Variants in SCPEP1 observed in about 807,000 individuals in gnomAD.
SCPEP1 encodes the protein serine carboxypeptidase 1, also known as retinoid-inducible serine carboxypeptidase.
SCPEP1 carries 51 observed loss-of-function variants against 63.8 expected under a neutral mutation model. The observed-to-expected ratio is 0.80, with a 90% CI of 0.64 to 1.01. SCPEP1 has a LOEUF of 1.01. SCPEP1 is among the 50% of genes least tolerant of loss of function. The probability of loss-of-function intolerance (pLI) is 0.00; values close to 1 mark genes in which losing one functional copy is unlikely to be tolerated. For missense variants in SCPEP1, 499 were observed against 554.9 expected (o/e 0.90, Z 1.01); for synonymous variants, 204 against 207.8 (o/e 0.98, Z 0.16).
chr17:56,988,375 C>G, intron 5 of SCPEP1, 85 bp downstream of exon 5: 1 of 1,009,942 alleles, frequency 9.9e-7, no homozygotes. Context: ...ATTAAATATA[C>G]TTTGAATAGG....
At position 56,988,264 on chromosome 17, in the gene SCPEP1, G is replaced by A. The variant is rs1159565803; in HGVS notation, c.520G>A (p.Ala174Thr). The change falls in exon 5 of 13, where the codon GCT (alanine) becomes ACT (threonine). Residue 174 changes from alanine (A) to threonine (T), a missense_variant. By Grantham distance (58) the Ala-to-Thr change is moderately conservative. Coordinates refer to ENST00000262288, the MANE Select transcript of SCPEP1 (RefSeq NM_021626.3). ...AGAGTCCTATGGAGGAAAAATGGCA[G>A]CTGGCATTGGTCTAGAGCTTTATAA... ...FSESYGGKMA[A>T]GIGLELYKAI... 1 of 1,612,972 alleles carries A rather than the reference G, an allele frequency of 6.2e-7. No individual in the cohort carries two copies. The highest frequency in any genetic ancestry group is 1.7e-5 in the Admixed American group (1 of 59,958).
At chr17:56,995,242 C>G in intron 7 of SCPEP1, 1 of 567,060 alleles carries the variant, frequency 1.8e-6, no homozygotes, top group South Asian at 2.6e-5. Flanking sequence ...ATAAGAAACA[C>G]ATTTTTCCAA....
chr17:57,002,250 C>T, intron 12 of SCPEP1, 69 bp downstream of exon 12: 1 of 1,491,438 alleles, frequency 6.7e-7, no homozygotes, highest in Non-Finnish European at 9.2e-7. Context: ...GTTATTATGC[C>T]TCTGTCCACT....
chr17:56,978,505 G>C (rs1190010910), intron 1 of SCPEP1, among the ~76,000 whole-genome samples: 2 of 151,232 alleles, frequency 1.3e-5, no homozygotes, highest in African/African-American at 2.4e-5. Flanking sequence ...TGTATGATTT[G>C]GGGAAACTGC....
chr17:56,994,154 T>C (rs774947881), intron 6 of SCPEP1, among the ~76,000 whole-genome samples: 24 of 152,324 alleles, frequency 1.6e-4, no homozygotes, highest in Non-Finnish European at 3.1e-4. Context: ...CTGGGCAACA[T>C]GGACTTAGTT....
At chr17:57,000,717 C>G (rs376156427) in intron 10 of SCPEP1, 138 bp from the exon 11 acceptor site, 1 of 958,772 alleles carries the variant, frequency 1.0e-6, no homozygotes, top group East Asian at 2.5e-5. Context: ...AATTTCTGGG[C>G]TGGTTCATCC....
At chr17:56,986,129 T>A (rs1428316569) in intron 3 of SCPEP1, among the ~76,000 whole-genome samples, 1 of 151,940 alleles carries the variant, frequency 6.6e-6, no homozygotes, top group African/African-American at 2.4e-5. Flanking sequence ...GCTCCCACTC[T>A]CCCGGCTGCA....
rs1454468634 is a variant in SCPEP1, at chr17:56,981,143, C to T, written c.138C>T (p.Arg46=). ...AAGTATGGGATTATGTGACGGTCCG[C>T]AAGGATGCCTACATGTTCTGGTGGC... ...GKEVWDYVTV[R]KDAYMFWWLY... Residue 46 remains arginine, a synonymous_variant, in exon 2 of 13, where the codon CGC becomes CGT. Transcript: ENST00000262288. 11 of 1,614,040 alleles carry T rather than the reference C, an allele frequency of 6.8e-6. No individual in the cohort carries two copies. The highest frequency in any genetic ancestry group is 8.5e-6 in the Non-Finnish European group (10 of 1,180,020).
In SCPEP1 at chr17:56,987,865, AG is replaced by A; in HGVS notation, c.471+17del. On this transcript the variant is annotated intron_variant, in intron 4 of 12. Transcript: ENST00000262288. ...AAGAATTCCAGGTAAGCAAAGACTC[AG>A]GAACAGCTAAGTAAAGGGCTGGCAA... 6.2e-7 allele frequency: 1 copy of A among 1,613,596 alleles called. No homozygotes were observed. The highest frequency in any genetic ancestry group is 1.3e-5 in the African/African-American group (1 of 75,042).
At chr17:56,989,874 G>A (rs897325697) in intron 5 of SCPEP1, among the ~76,000 whole-genome samples, 4 of 152,060 alleles carry the variant, frequency 2.6e-5, no homozygotes, top group African/African-American at 4.8e-5. Flanking sequence ...TTGAACCCAG[G>A]GAGCAGAGGT....
chr17:56,987,303 C>A (rs1332492198), intron 3 of SCPEP1: 1 of 158,706 alleles, frequency 6.3e-6, no homozygotes, highest in South Asian at 1.9e-4. Flanking sequence ...GATGTGTGTC[C>A]AGACTTTGAG....
At chr17:56,992,721 A>G (rs1186390033) in intron 6 of SCPEP1, among the ~76,000 whole-genome samples, 14 of 152,186 alleles carry the variant, frequency 9.2e-5, no homozygotes, top group Non-Finnish European at 1.9e-4. Context: ...ACTGAGACTT[A>G]GAGAGGTTAA....
chr17:56,987,479 T>C, intron 3 of SCPEP1: 2 of 399,590 alleles, frequency 5.0e-6, no homozygotes, highest in South Asian at 4.7e-5. Flanking sequence ...TTTTTTTTTT[T>C]TGCGGCGGCG....
intron 12 of SCPEP1, among the ~76,000 whole-genome samples, chr17:57,004,578 T>C (rs1911831102): frequency 1.3e-5 from 2 of 152,244 alleles, no homozygotes; most frequent in Admixed American, 1.3e-4. Context: ...TTTTAATTTT[T>C]TTTTTATTTT....
rs1911903193 is a variant in SCPEP1 at position 57,006,543 on chromosome 17, A to G, written c.*308A>G. On this transcript the variant is annotated 3_prime_UTR_variant, in exon 13 of 13. Coordinates refer to ENST00000262288, the MANE Select transcript of SCPEP1 (RefSeq NM_021626.3). ...ATGTGATTTATAGAAAAACTGGGAAATACAGGTACCCAAAGAGTAAATCAA... is the reference window on the plus strand; with the variant it reads ...ATGTGATTTATAGAAAAACTGGGAAGTACAGGTACCCAAAGAGTAAATCAA... The G allele has an allele frequency of 5.1e-6, 1 of 197,044 alleles. No homozygotes were observed. Among genetic ancestry groups the G allele is most frequent in the Non-Finnish European group, 1.0e-5 (1 of 98,208 alleles). 12.2% of individuals were successfully genotyped at this position (197,044 alleles called of 1,614,324 possible).
Position 56,987,798 on chromosome 17 carries a change from C to T in SCPEP1, c.419C>T (p.Ser140Leu). 1.2e-6 allele frequency: 2 copies of T among 1,614,146 alleles called. No individual in the cohort carries two copies. The highest frequency in any genetic ancestry group is 1.7e-6 in the Non-Finnish European group (2 of 1,180,028). The part of the protein sequence containing the change: ...AYAKDLAMVA[S>L]DMMVLLKTFF... ...GCCAAGGACCTGGCTATGGTGGCTT[C>T]AGACATGATGGTTCTCCTGAAGACC... The change falls in exon 4 of 13, where the codon TCA becomes TTA. Residue 140 changes from serine (S) to leucine (L), a missense_variant. Coordinates refer to ENST00000262288, the MANE Select transcript of SCPEP1 (RefSeq NM_021626.3).
chr17:56,999,539 G>A (rs1478703404), intron 10 of SCPEP1, among the ~76,000 whole-genome samples: 1 of 152,134 alleles, frequency 6.6e-6, no homozygotes, highest in African/African-American at 2.4e-5. Flanking sequence ...GGGAGCCTAC[G>A]ATTTGCTGCT....
At position 56,986,079 on chromosome 17, in the gene SCPEP1, G is replaced by A. The variant is rs575329647; in HGVS notation, c.315+612G>A. ...ACCCACCCTGGGGCTGCTGCACAGC[G>A]TGGGCCCCACTCAGGGCTTGTGGCT... On this transcript the variant is annotated intron_variant, in intron 3 of 12. Coordinates refer to ENST00000262288, the MANE Select transcript of SCPEP1 (RefSeq NM_021626.3). 3.7e-4 allele frequency among the ~76,000 whole-genome samples: 56 copies of A among 152,210 alleles called. 1 individual carries two copies. Among genetic ancestry groups the A allele is most frequent in the African/African-American group, 1.3e-3 (56 of 41,544 alleles).
chr17:56,985,507 G>T (rs1294028453), intron 3 of SCPEP1, 40 bp downstream of exon 3: 11 of 1,495,204 alleles, frequency 7.4e-6, no homozygotes, highest in Non-Finnish European at 1.0e-5. Flanking sequence ...TTGCCCCGTG[G>T]CCTCTCAGAG....
Sources: allele counts gnomAD v4.1 joint callset (sites outside exome capture counted in the v4.1 genomes callset), GRCh38; gene constraint gnomAD v4.1.1; transcripts MANE v1.5; gene names NCBI Gene and HGNC (gene_info 2026-07-23, HGNC 2026-07-21).